LYPD5: variants seen among roughly 807,000 people sequenced by gnomAD.
LYPD5 encodes ly6/PLAUR domain-containing protein 5.
In LYPD5, 21 loss-of-function variants were observed where a neutral mutation model predicts 19.1. The observed-to-expected ratio is 1.10, with a 90% CI of 0.78 to 1.58. LYPD5 has a LOEUF of 1.58. LYPD5 is among the 40% of genes most tolerant of loss of function. The pLI, the probability that LYPD5 is intolerant of heterozygous loss-of-function variation, is 0.00. For synonymous variants in LYPD5, 128 were observed against 142.7 expected, an observed-to-expected ratio of 0.90 and a Z score of 0.74; for missense variants, 287 against 329.8, an observed-to-expected ratio of 0.87 and a Z score of 1.00.
intron 1 of LYPD5, among the ~76,000 whole-genome samples, chr19:43,818,322 A>T (rs1970390681): frequency 6.6e-6 from 1 of 152,216 alleles, no homozygotes; most frequent in Admixed American, 6.5e-5. Flanking sequence ...GTTCCAGGGA[A>T]GCAGGAGAGA....
intron 1 of LYPD5, among the ~76,000 whole-genome samples, chr19:43,801,221 C>T (rs1039460081): frequency 2.9e-4 from 44 of 152,046 alleles, no homozygotes; most frequent in African/African-American, 8.9e-4. Context: ...GACCTTATCT[C>T]TATTTTAAAA....
At chr19:43,802,948 G>A (rs1357447713), upstream of LYPD5, among the ~76,000 whole-genome samples, 2 of 152,160 alleles carry the variant, frequency 1.3e-5, no homozygotes, top group Non-Finnish European at 2.9e-5. Context: ...GGGGCCTCCA[G>A]GAATGTCTGA....
At chr19:43,799,115 TC>T in intron 2 of LYPD5, 127 bp from the exon 3 acceptor site, 1 of 1,100,862 alleles carries the variant, frequency 9.1e-7, no homozygotes, top group Non-Finnish European at 1.3e-6. Flanking sequence ...CTTCCCTCCT[TC>T]CTCTCACCCC....
At chr19:43,803,643 A>G (rs559783847), upstream of LYPD5, among the ~76,000 whole-genome samples, 14 of 152,232 alleles carry the variant, frequency 9.2e-5, no homozygotes, top group Non-Finnish European at 1.9e-4. Context: ...TTTGTAGGAC[A>G]CTTACTTTAG....
At chr19:43,812,031 G>T (rs1007061668) in intron 1 of LYPD5, among the ~76,000 whole-genome samples, 28 of 152,092 alleles carry the variant, frequency 1.8e-4, no homozygotes, top group African/African-American at 6.3e-4. Flanking sequence ...TCAGCTGGAG[G>T]GTTGGGTGGT....
chr19:43,797,834 A>G lies in LYPD5; in HGVS notation c.518-5T>C, dbSNP rs765908059. 1 of 1,607,292 alleles carries G rather than the reference A, an allele frequency of 6.2e-7. No homozygotes were observed. Among genetic ancestry groups the G allele is most frequent in the Non-Finnish European group, 8.5e-7 (1 of 1,174,504 alleles). ...ACACAGGGACTGAGAAATTGCCTGG[A>G]GGTGGGCAAAGCAGTGAGGAACGGT... is the stretch of plus-strand genomic sequence containing the variant. On this transcript the variant is annotated splice_region_variant and splice_polypyrimidine_tract_variant and intron_variant, in intron 4 of 4. Coordinates refer to ENST00000377950, the MANE Select transcript of LYPD5 (RefSeq NM_001031749.3).
chr19:43,799,953 A>G, intron 1 of LYPD5, 119 bp from the exon 2 acceptor site: 1 of 1,227,268 alleles, frequency 8.1e-7, no homozygotes, highest in Non-Finnish European at 1.1e-6. Flanking sequence ...CAGGGAAGAC[A>G]CGCCTTGAGA....
At chr19:43,815,655 A>C (rs1970366148) in intron 1 of LYPD5, 2 of 217,958 alleles carry the variant, frequency 9.2e-6, no homozygotes, top group Non-Finnish European at 1.8e-5. Flanking sequence ...ACTATTCTGA[A>C]GTGTGATTTA....
chr19:43,811,197 G>A (rs1445716106), intron 1 of LYPD5, among the ~76,000 whole-genome samples: 4 of 152,170 alleles, frequency 2.6e-5, no homozygotes, highest in Non-Finnish European at 5.9e-5. Context: ...ACATGGGGCT[G>A]GGTGCCATGG....
At chr19:43,808,243 T>C (rs1666872081) in intron 1 of LYPD5, among the ~76,000 whole-genome samples, 1 of 152,086 alleles carries the variant, frequency 6.6e-6, no homozygotes, top group Admixed American at 6.6e-5. Context: ...GAGGCTGGGA[T>C]TACAGGTGTC....
At chr19:43,803,981 GC>G (rs1970250428), upstream of LYPD5, among the ~76,000 whole-genome samples, 1 of 152,084 alleles carries the variant, frequency 6.6e-6, no homozygotes, top group Non-Finnish European at 1.5e-5. Flanking sequence ...GGGATTACAG[GC>G]ATGTGCCACC....
chr19:43,798,366 C>CTCCCTCAGA, intron 4 of LYPD5, 89 bp downstream of exon 4: 1 of 1,491,154 alleles, frequency 6.7e-7, no homozygotes, highest in Non-Finnish European at 9.2e-7. Flanking sequence ...GCCATGTCTC[C>CTCCCTCAGA]CTGTTGGGCC....
chr19:43,814,898 A>G (rs1235845060), intron 1 of LYPD5, among the ~76,000 whole-genome samples: 1 of 152,222 alleles, frequency 6.6e-6, no homozygotes, highest in East Asian at 1.9e-4. Context: ...AGTCATATAG[A>G]TACTTGATGT....
chr19:43,810,627 T>TTTTC (rs919169284), intron 1 of LYPD5, among the ~76,000 whole-genome samples: 3 of 142,068 alleles, frequency 2.1e-5, no homozygotes, highest in Non-Finnish European at 3.1e-5. Flanking sequence ...TTCTTTCCGT[T>TTTTC]TTTCTTTCTT....
intron 4 of LYPD5, 124 bp downstream of exon 4, chr19:43,798,331 G>T: frequency 8.0e-7 from 1 of 1,254,304 alleles, no homozygotes; most frequent in Non-Finnish European, 1.1e-6. Flanking sequence ...TCAGACCAGG[G>T]TCATGCCTCC....
chr19:43,817,420 C>T (rs1970383163), intron 1 of LYPD5, among the ~76,000 whole-genome samples: 1 of 152,198 alleles, frequency 6.6e-6, no homozygotes, highest in Non-Finnish European at 1.5e-5. Context: ...TTCCCAGATT[C>T]AAGGAGTGGA....
intron 3 of LYPD5, 103 bp from the exon 4 acceptor site, chr19:43,798,704 G>C: frequency 1.3e-6 from 2 of 1,577,532 alleles, no homozygotes; most frequent in African/African-American, 2.7e-5. Context: ...CTCGGGGGTT[G>C]GGATCCTAGC....
intron 4 of LYPD5, 96 bp from the exon 5 acceptor site, chr19:43,797,925 C>T (rs1206295575): frequency 2.1e-6 from 2 of 953,792 alleles, no homozygotes; most frequent in East Asian, 5.1e-5. Flanking sequence ...CCTCGGTCCT[C>T]AGACTTGCTT....
intron 3 of LYPD5, 98 bp downstream of exon 3, chr19:43,798,714 C>A (rs1443238158): frequency 7.0e-6 from 11 of 1,571,302 alleles, no homozygotes; most frequent in Non-Finnish European, 7.8e-6. Flanking sequence ...GGGATCCTAG[C>A]GCGCCAAGAG....
Sources: allele counts gnomAD v4.1 joint callset (sites outside exome capture counted in the v4.1 genomes callset), GRCh38; gene constraint gnomAD v4.1.1; transcripts MANE v1.5; gene names NCBI Gene and HGNC (gene_info 2026-07-23, HGNC 2026-07-21).